The following KMT2E variants were observed in gnomAD, a reference collection of about 807,000 sequenced individuals.
The protein encoded by KMT2E is histone reader KMT2E.
Under a neutral mutation model 184.6 loss-of-function variants are expected in KMT2E, and 30 were observed. The observed-to-expected ratio is 0.16, with a 90% CI of 0.12 to 0.22. KMT2E has a LOEUF of 0.22. Ranked by LOEUF, KMT2E falls within the 10% of genes least tolerant of loss-of-function variation. The pLI, the probability that KMT2E is intolerant of heterozygous loss-of-function variation, is 1.00. For synonymous variants in KMT2E, 815 were observed against 776.5 expected, an observed-to-expected ratio of 1.05 and a Z score of -0.82; for missense variants, 2,023 against 2,237.4, an observed-to-expected ratio of 0.90 and a Z score of 1.93.
chr7:105,066,691 A>T lies in KMT2E; in HGVS notation c.417-36A>T, dbSNP rs759650826. The T allele has an allele frequency of 3.4e-6, 5 of 1,491,648 alleles. No individual in the cohort carries two copies. In the East Asian group the frequency reaches 1.1e-4, roughly 34 times the overall value. 92.4% of individuals were successfully genotyped at this position (1,491,648 alleles called of 1,614,324 possible). A position where few individuals can be genotyped will look rare whatever the true frequency, so the allele number is the denominator to read the frequency against. ...AAATCTTAATTTAAGGATGACTTAA[A>T]TAATATTACATATGTTCTGCTTTTT... On this transcript the variant is annotated intron_variant, in intron 5 of 26. Coordinates refer to ENST00000311117, the MANE Select transcript of KMT2E (RefSeq NM_182931.3).
At chr7:105,091,134 G>C in intron 14 of KMT2E, 82 bp from the exon 15 acceptor site, 1 of 636,036 alleles carries the variant, frequency 1.6e-6, no homozygotes, top group Admixed American at 3.1e-5. Context: ...TGTTGTGGTT[G>C]AAAGACATTA....
chr7:105,077,591 T>C (rs1797584522), intron 11 of KMT2E, 158 bp downstream of exon 11: 1 of 594,088 alleles, frequency 1.7e-6, no homozygotes, highest in Non-Finnish European at 2.9e-6. Context: ...ATGATAATTT[T>C]TGAACTACGA....
intron 16 of KMT2E, 142 bp downstream of exon 16, chr7:105,101,731 T>C (rs897243150): frequency 4.2e-6 from 4 of 951,862 alleles, no homozygotes; most frequent in Middle Eastern, 3.4e-4. Flanking sequence ...GAGTTTCAGC[T>C]TGAGATAAAA....
chr7:105,064,164 GTTTTTTTTTTTTTTT>G lies in KMT2E; in HGVS notation c.416+598_416+612del, dbSNP rs66946883. On this transcript the variant is annotated intron_variant, in intron 5 of 26. Transcript: ENST00000311117. ...GGTTTTGTATCATTTTTTTTTCTTG[GTTTTTTTTTTTTTTT>G]TTTTTTTTTTTTTGACTGGGGGGAA... The G allele has an allele frequency of 5.4e-4, 41 of 76,150 alleles. 1 individual carries two copies. The Middle Eastern group carries it at 5.6e-3, about 10-fold the overall frequency. The allele number at this position is 76,150 out of a possible 1,614,324, so 4.7% of individuals were successfully genotyped here.
At chr7:105,033,645 C>G (rs904651154) in intron 1 of KMT2E, among the ~76,000 whole-genome samples, 2 of 152,092 alleles carry the variant, frequency 1.3e-5, no homozygotes, top group African/African-American at 4.8e-5. Flanking sequence ...ACTACAGACG[C>G]CCGCCACCAC....
At chr7:105,021,448 C>T (rs1012332238) in intron 1 of KMT2E, among the ~76,000 whole-genome samples, 3 of 152,156 alleles carry the variant, frequency 2.0e-5, no homozygotes, top group African/African-American at 7.2e-5. Flanking sequence ...TCTTAAAAGC[C>T]TGCTGTTTTA....
intron 3 of KMT2E, among the ~76,000 whole-genome samples, chr7:105,052,428 A>T (rs1007996926): frequency 6.6e-6 from 1 of 152,188 alleles, no homozygotes; most frequent in African/African-American, 2.4e-5. Context: ...CATAAGCTTT[A>T]TGACTATAAA....
intron 1 of KMT2E, among the ~76,000 whole-genome samples, chr7:105,030,970 A>G (rs1214862621): frequency 1.3e-5 from 2 of 152,200 alleles, no homozygotes; most frequent in Non-Finnish European, 1.5e-5. Flanking sequence ...CAAGTTTTCT[A>G]GTATGAAAGA....
rs751370825 is a variant in KMT2E, at chr7:105,112,439, G to T, written c.4683G>T (p.Gln1561His). 31 of 1,613,182 alleles carry T rather than the reference G, an allele frequency of 1.9e-5. No homozygotes were observed. The highest frequency in any genetic ancestry group is 2.5e-5 in the Non-Finnish European group (29 of 1,179,878). ...PPSSSYYQNQ[Q>H]PSANFQNYNQ... ...CTTCGTCTTACTATCAAAACCAGCA[G>T]CCCTCTGCAAACTTTCAGAATTATA... Residue 1561 changes from glutamine to histidine, a missense_variant, in exon 27 of 27, where the codon CAG (glutamine) becomes CAT (histidine). Physicochemically the swap from Gln to His is conservative, Grantham distance 24 (BLOSUM62 0). This residue lies in a region of KMT2E where 1,108 missense variants were observed against 1,050.9 expected (regional missense o/e 1.05). Coordinates refer to ENST00000311117, the MANE Select transcript of KMT2E (RefSeq NM_182931.3).
chr7:105,080,775 C>G (rs1032817749), intron 12 of KMT2E, among the ~76,000 whole-genome samples: 17 of 152,120 alleles, frequency 1.1e-4, no homozygotes, highest in Non-Finnish European at 2.4e-4. Flanking sequence ...CTTTGGGAGG[C>G]CAAAGTGGGT....
intron 2 of KMT2E, chr7:105,039,344 A>G (rs1795790717): frequency 6.6e-6 from 1 of 152,232 alleles, no homozygotes; most frequent in African/African-American, 2.4e-5. Flanking sequence ...ATTATTTTAG[A>G]TTGGAAATAT....
chr7:105,067,937 GC>G (rs1270893758), intron 6 of KMT2E, among the ~76,000 whole-genome samples: 1 of 152,098 alleles, frequency 6.6e-6, no homozygotes, highest in Non-Finnish European at 1.5e-5. Context: ...ATGCCACTGT[GC>G]CCCAGCTTAG....
intron 22 of KMT2E, chr7:105,108,594 C>T (rs758873772): frequency 2.2e-6 from 1 of 461,514 alleles, no homozygotes; most frequent in Non-Finnish European, 4.3e-6. Context: ...GGAAAGAGCA[C>T]GGGCTTTCAA....
intron 3 of KMT2E, among the ~76,000 whole-genome samples, chr7:105,061,468 C>G (rs1350663726): frequency 6.6e-6 from 1 of 152,040 alleles, no homozygotes; most frequent in Non-Finnish European, 1.5e-5. Flanking sequence ...TAGGAATTAA[C>G]CAAGTAGAGC....
At chr7:105,046,660 C>A (rs955467095) in intron 3 of KMT2E, among the ~76,000 whole-genome samples, 1 of 152,156 alleles carries the variant, frequency 6.6e-6, no homozygotes, top group African/African-American at 2.4e-5. Context: ...TGTGTCTACT[C>A]AGAAGAAGTC....
chr7:105,077,060 A>C lies in KMT2E; in HGVS notation c.866A>C (p.Asn289Thr), dbSNP rs1797559713. 29 of 1,614,024 alleles carry C rather than the reference A, an allele frequency of 1.8e-5. No individual in the cohort carries two copies. The highest frequency in any genetic ancestry group is 2.4e-5 in the Non-Finnish European group (28 of 1,179,982). Residue 289 changes from asparagine to threonine, a missense_variant, in exon 10 of 27, where the codon AAC becomes ACC. Coordinates refer to ENST00000311117, the MANE Select transcript of KMT2E (RefSeq NM_182931.3). ...AWMDRYEEAN[N>T]NQYSEGVQRE... ...ATGGATCGATATGAAGAAGCAAATA[A>C]CAACCAGTACAGTGAGGGTGTTCAG...
chr7:105,073,420 T>C (rs761544659), intron 6 of KMT2E, among the ~76,000 whole-genome samples, 199 bp from the exon 7 acceptor site: 16 of 143,528 alleles, frequency 1.1e-4, no homozygotes, highest in Non-Finnish European at 2.5e-4. Flanking sequence ...AAAAAAAAAA[T>C]CAGAGTGAAA....
At chr7:105,093,147 A>G (rs1247966056) in intron 15 of KMT2E, among the ~76,000 whole-genome samples, 1 of 152,190 alleles carries the variant, frequency 6.6e-6, no homozygotes, top group Non-Finnish European at 1.5e-5. Flanking sequence ...CTGAGCTGTG[A>G]TCCTACCACT....
Position 105,107,607 on chromosome 7 carries a change from C to T in KMT2E, c.3150C>T (p.Asn1050=), listed in dbSNP as rs759694129. ...CTGCACATGACAGGGCTGAGCCCAA[C>T]AGCCAACTGGACTCGACTCACTCTG... is the stretch of plus-strand genomic sequence containing the variant. ...ETPAHDRAEP[N]SQLDSTHSGR... is the part of the protein sequence containing the mutation. Residue 1050 remains asparagine, a synonymous_variant, in exon 22 of 27, where the codon AAC becomes AAT. Coordinates refer to ENST00000311117, the MANE Select transcript of KMT2E (RefSeq NM_182931.3). 9 of 1,614,152 alleles carry T rather than the reference C, an allele frequency of 5.6e-6. No individual in the cohort carries two copies. The highest frequency in any genetic ancestry group is 7.6e-6 in the Non-Finnish European group (9 of 1,180,026).
Sources: allele counts gnomAD v4.1 joint callset (sites outside exome capture counted in the v4.1 genomes callset), GRCh38; gene constraint gnomAD v4.1.1; regional missense constraint gnomAD v4.1.1; transcripts MANE v1.5; gene names NCBI Gene and HGNC (gene_info 2026-07-23, HGNC 2026-07-21).